The following ZNF451 variants were observed in gnomAD, a reference collection of about 807,000 sequenced individuals.
The protein encoded by ZNF451 is zinc finger protein 451.
Under a neutral mutation model 107.1 loss-of-function variants are expected in ZNF451, and 80 were observed. The observed-to-expected ratio is 0.75, with a 90% confidence interval of 0.62 to 0.90. The LOEUF is 0.90. ZNF451 is among the 40% of genes least tolerant of loss of function. The probability of loss-of-function intolerance (pLI) is 0.00; values close to 1 mark genes in which losing one functional copy is unlikely to be tolerated. For missense variants in ZNF451, 1,107 were observed against 1,236.2 expected, an observed-to-expected ratio of 0.90 and a Z score of 1.57; for synonymous variants, 362 against 406.5, an observed-to-expected ratio of 0.89 and a Z score of 1.32.
chr6:57,121,423 A>G (rs1342566407), intron 3 of ZNF451, among the ~76,000 whole-genome samples: 1 of 152,150 alleles, frequency 6.6e-6, no homozygotes, highest in Non-Finnish European at 1.5e-5. Context: ...TAATGTTAGG[A>G]TTTTGATTGT....
Position 57,147,229 on chromosome 6 carries a change from C to T in ZNF451, c.1144C>T (p.Gln382Ter), listed in dbSNP as rs1413696489. 23 of 1,613,926 alleles carry T rather than the reference C, an allele frequency of 1.4e-5. No homozygotes were observed. The highest frequency in any genetic ancestry group is 1.9e-5 in the Non-Finnish European group (23 of 1,179,962). The change falls in exon 10 of 15, where the codon CAG (glutamine) becomes TAG (stop). Residue 382 changes from glutamine (Q) to a stop codon, truncating the protein, a stop_gained. Transcript: ENST00000370706. LOFTEE classifies it high-confidence loss of function. Reference sequence around the variant, plus strand: ...TGAAACCAGCACCCAAAATCATAAGCAGAATTCAGGACACAAAGTCCGAGT... The same window carrying T: ...TGAAACCAGCACCCAAAATCATAAGTAGAATTCAGGACACAAAGTCCGAGT... ...VDETSTQNHKQNSGHKVRVIN... is the reference protein window; with the variant it reads ...VDETSTQNHK
chr6:57,157,245 G>C (rs972103283), intron 13 of ZNF451, among the ~76,000 whole-genome samples: 1 of 152,176 alleles, frequency 6.6e-6, no homozygotes, highest in Admixed American at 6.5e-5. Flanking sequence ...AAAGATTGCT[G>C]TATAAATAGG....
chr6:57,162,647 A>G (rs1414367260), intron 14 of ZNF451, among the ~76,000 whole-genome samples: 2 of 152,246 alleles, frequency 1.3e-5, no homozygotes, highest in Non-Finnish European at 2.9e-5. Flanking sequence ...AACAGTACTG[A>G]ACATCTAAAG....
chr6:57,104,728 G>A, intron 3 of ZNF451: 1 of 985,362 alleles, frequency 1.0e-6, no homozygotes, highest in Non-Finnish European at 1.2e-6. Flanking sequence ...GTAAGATGAT[G>A]TTGCTGTTCT....
At chr6:57,123,101 A>C (rs952497853) in intron 3 of ZNF451, among the ~76,000 whole-genome samples, 7 of 152,192 alleles carry the variant, frequency 4.6e-5, no homozygotes, top group Admixed American at 2.0e-4. Flanking sequence ...CTGGCAGGTC[A>C]GGGCTGCGGT....
At chr6:57,119,843 G>A (rs553587813) in intron 3 of ZNF451, among the ~76,000 whole-genome samples, 2 of 151,674 alleles carry the variant, frequency 1.3e-5, no homozygotes, top group South Asian at 2.1e-4. Flanking sequence ...TGTAGCAGGA[G>A]AATTGTCATT....
intron 3 of ZNF451, chr6:57,106,872 G>A (rs1172287987): frequency 1.0e-5 from 10 of 967,012 alleles, no homozygotes; most frequent in Non-Finnish European, 1.2e-5. Context: ...GTAAACTGGT[G>A]ATTATTGTAT....
chr6:57,102,781 A>G (rs62415881), intron 3 of ZNF451: 220 of 985,340 alleles, frequency 2.2e-4, no homozygotes, highest in Non-Finnish European at 2.6e-4. Context: ...CCAACTGGAA[A>G]AAGACTTCTA....
At chr6:57,103,895 T>C (rs752313699) in intron 3 of ZNF451, 30 of 985,256 alleles carry the variant, frequency 3.0e-5, no homozygotes, top group Non-Finnish European at 3.5e-5. Context: ...TAAATCTACT[T>C]TTCTTCCTTA....
intron 10 of ZNF451, among the ~76,000 whole-genome samples, chr6:57,149,076 TTTG>T (rs1372372537): frequency 1.3e-5 from 2 of 152,186 alleles, no homozygotes; most frequent in African/African-American, 4.8e-5. Flanking sequence ...GTGAATTCTT[TTTG>T]TTTCTATTTG....
At chr6:57,107,681 G>T (rs1829929281) in intron 3 of ZNF451, 1 of 985,248 alleles carries the variant, frequency 1.0e-6, no homozygotes, top group African/African-American at 1.7e-5. Flanking sequence ...CAAATGGTCT[G>T]TTGGGTTTTG....
intron 3 of ZNF451, chr6:57,101,980 A>G (rs780957748): frequency 6.4e-7 from 1 of 1,550,558 alleles, no homozygotes; most frequent in Non-Finnish European, 8.7e-7. Flanking sequence ...TCATGATCAG[A>G]AAGCACATTA....
intron 3 of ZNF451, among the ~76,000 whole-genome samples, chr6:57,112,393 T>G (rs1480875029): frequency 1.3e-5 from 2 of 152,220 alleles, no homozygotes; most frequent in Non-Finnish European, 2.9e-5. Flanking sequence ...CTTTGAGCTT[T>G]CTTTGAACTT....
chr6:57,158,782 T>C, intron 13 of ZNF451: 1 of 985,488 alleles, frequency 1.0e-6, no homozygotes, highest in Non-Finnish European at 1.2e-6. Context: ...ATCTGTATGC[T>C]CCTTAGATGG....
At chr6:57,139,299 C>A (rs957712053) in intron 7 of ZNF451, among the ~76,000 whole-genome samples, 14 of 152,150 alleles carry the variant, frequency 9.2e-5, no homozygotes, top group African/African-American at 3.4e-4. Flanking sequence ...TGGAGGGGTA[C>A]AACTTGGGAG....
chr6:57,101,751 A>T, intron 3 of ZNF451: 1 of 1,550,532 alleles, frequency 6.4e-7, no homozygotes, highest in Non-Finnish European at 8.7e-7. Flanking sequence ...TGGACTCTGT[A>T]GTCAGAGTTA....
Position 57,148,421 on chromosome 6 carries a change from A to C in ZNF451, c.2336A>C (p.Lys779Thr). 1 of 1,613,946 alleles carries C rather than the reference A, an allele frequency of 6.2e-7. No homozygotes were observed. ...NTHIHQVHKE[K>T]SDEEEQQYVI... ...CATATCCATCAAGTGCACAAAGAAA[A>C]GAGTGATGAGGAGGAGCAGCAGTAT... Residue 779 changes from lysine to threonine, a missense_variant, in exon 10 of 15, where the codon AAG (lysine) becomes ACG (threonine). By Grantham distance (78) the Lys-to-Thr change is moderately conservative. Coordinates refer to ENST00000370706, the MANE Select transcript of ZNF451 (RefSeq NM_001031623.3).
intron 3 of ZNF451, among the ~76,000 whole-genome samples, chr6:57,122,024 T>C (rs1023814009): frequency 2.0e-5 from 3 of 150,942 alleles, no homozygotes; most frequent in African/African-American, 4.8e-5. Context: ...GTTATAAAAA[T>C]AGACACGCAG....
intron 13 of ZNF451, chr6:57,159,023 A>G (rs1362476424): frequency 2.0e-6 from 2 of 985,460 alleles, no homozygotes; most frequent in Non-Finnish European, 2.4e-6. Flanking sequence ...TAATTGTTGA[A>G]CTTATTTCTT....
Sources: gnomAD v4.1 joint callset for allele counts (sites outside exome capture counted in the v4.1 genomes callset) on GRCh38, gnomAD v4.1.1 for gene constraint, MANE v1.5 for transcripts, NCBI Gene and HGNC (gene_info 2026-07-23, HGNC 2026-07-21) for gene names.